SZT2: variants seen among roughly 807,000 people sequenced by gnomAD.
SZT2 encodes KICSTOR complex protein SZT2.
In SZT2, 216 loss-of-function variants were observed where a neutral mutation model predicts 404.2. The observed-to-expected ratio is 0.53, with a 90% CI of 0.48 to 0.60. SZT2 has a LOEUF of 0.60. SZT2 is among the 20% of genes least tolerant of loss of function. The pLI is 0.00. For missense variants in SZT2, 3,857 were observed against 4,459.2 expected (o/e 0.86, Z 3.85); for synonymous variants, 1,693 against 1,749.9 (o/e 0.97, Z 0.81).
rs772010145 is a variant in SZT2 at position 43,425,131 on chromosome 1, G to A, written c.2569G>A (p.Ala857Thr). The change falls in exon 18 of 72, where the codon GCT becomes ACT. Residue 857 changes from alanine to threonine, a missense_variant. Coordinates refer to ENST00000634258, the MANE Select transcript of SZT2 (RefSeq NM_001365999.1). This position sits in a 1 kb window ranked among gnomAD's most constrained non-coding sequence, Gnocchi z 4.3. The stretch of plus-strand genomic sequence containing the variant: ...CCCACAGAATGAACCACCAGGGCAG[G>A]CTGCAGCTGAAGAGAAGCACACCTG... Reference protein sequence around the residue: ...LPIQNEPPGQAAAEEKHTCVV... With the variant: ...LPIQNEPPGQTAAEEKHTCVV... The A allele has an allele frequency of 1.9e-5, 31 of 1,614,070 alleles. 1 individual carries two copies. In the South Asian group the frequency reaches 2.6e-4, roughly 14 times the overall value.
intron 14 of SZT2, 83 bp from the exon 15 acceptor site, chr1:43,423,016 T>C: frequency 6.6e-7 from 1 of 1,505,380 alleles, no homozygotes; most frequent in East Asian, 2.5e-5. Flanking sequence ...AGAAGAGGGC[T>C]GTGTCTCACT....
intron 62 of SZT2, among the ~76,000 whole-genome samples, chr1:43,444,691 T>G (rs1167996490): frequency 6.6e-6 from 1 of 152,166 alleles, no homozygotes; most frequent in Non-Finnish European, 1.5e-5. Context: ...AGCCACCTTT[T>G]CATCCACTGT....
chr1:43,453,590 C>G lies in SZT2; in HGVS notation c.*3110C>G. ...CCCTCCCAGCCCTCCCGGCCCGCGA[C>G]GCACCCGGGGGCGTGTTGATCAGTA... On this transcript the variant is annotated 3_prime_UTR_variant, in exon 72 of 72. Transcript: ENST00000634258. 1 of 1,521,592 alleles carries G rather than the reference C, an allele frequency of 6.6e-7. No individual in the cohort carries two copies. Among genetic ancestry groups the G allele is most frequent in the Non-Finnish European group, 8.8e-7 (1 of 1,134,016 alleles). 94.3% of individuals were successfully genotyped at this position (1,521,592 alleles called of 1,614,324 possible). A position where few individuals can be genotyped will look rare whatever the true frequency, so the allele number is the denominator to read the frequency against.
In SZT2 at chr1:43,451,989, G is replaced by T. The variant is rs1226016563; in HGVS notation, c.*1509G>T. The T allele has an allele frequency of 1.9e-6, 3 of 1,610,626 alleles. No individual in the cohort carries two copies. The highest frequency in any genetic ancestry group is 2.5e-6 in the Non-Finnish European group (3 of 1,177,686). ...GGGTCAGTGATGCGGGTGTTGATGGGCTCCAGCAGTCCCACGAGGTCCTCC... is the reference window on the plus strand; with the variant it reads ...GGGTCAGTGATGCGGGTGTTGATGGTCTCCAGCAGTCCCACGAGGTCCTCC... On this transcript the variant is annotated 3_prime_UTR_variant, in exon 72 of 72. Transcript: ENST00000634258.
rs778200495 is a variant in SZT2 at position 43,441,801 on chromosome 1, C to T, written c.7725C>T (p.Arg2575=). Residue 2575 remains arginine, a synonymous_variant, in exon 55 of 72, where the codon CGC becomes CGT. Coordinates refer to ENST00000634258, the MANE Select transcript of SZT2 (RefSeq NM_001365999.1). The surrounding 1 kb of genome is among the most constrained non-coding windows in gnomAD (Gnocchi z 4.8). ...CAATGGCTGGAGACACCAGTGTCCG[C>T]ATCTTTGAGCAGCATTTGTGAGTGT... The part of the protein sequence containing the change: ...VTSMAGDTSV[R]IFEQHLGSEP... The T allele has an allele frequency of 1.5e-5, 25 of 1,614,206 alleles. No individual in the cohort carries two copies. In the South Asian group the frequency reaches 2.7e-4, roughly 18 times the overall value.
rs556065361 is a variant in SZT2, at chr1:43,446,062, G to A, written c.8916+78G>A. ...CCTGAGGTCATTGACCCTGAGTGAT[G>A]TACCGAGGTCACTGATCCCAGACTG... On this transcript the variant is annotated intron_variant, in intron 63 of 71. Transcript: ENST00000634258. The A allele has an allele frequency of 3.2e-6, 5 of 1,580,468 alleles. No homozygotes were observed. In the African/African-American group the frequency reaches 6.7e-5, roughly 21 times the overall value.
At chr1:43,421,337 A>G in intron 11 of SZT2, 34 bp downstream of exon 11, 1 of 1,593,848 alleles carries the variant, frequency 6.3e-7, no homozygotes, top group Non-Finnish European at 8.5e-7. Flanking sequence ...GCCCCATTTC[A>G]TGTCAACTTG....
chr1:43,428,332 G>A lies in SZT2; in HGVS notation c.4012G>A (p.Asp1338Asn), dbSNP rs921605039. The A allele has an allele frequency of 5.6e-6, 9 of 1,614,052 alleles. No homozygotes were observed. Among genetic ancestry groups the A allele is most frequent in the Non-Finnish European group, 7.6e-6 (9 of 1,180,032 alleles). The change falls in exon 28 of 72, where the codon GAC becomes AAC. Residue 1338 changes from aspartate (D) to asparagine (N), a missense_variant. Physicochemically the swap from Asp to Asn is conservative, Grantham distance 23. Coordinates refer to ENST00000634258, the MANE Select transcript of SZT2 (RefSeq NM_001365999.1). The stretch of plus-strand genomic sequence containing the variant: ...CTGTGAGGAGCTACTACAAGAAATA[G>A]ACATCACCCCATTTCTCCTTGCATT... Reference protein sequence around the residue: ...DACEELLQEIDITPFLLALCG... With the variant: ...DACEELLQEINITPFLLALCG...
intron 4 of SZT2, 61 bp from the exon 5 acceptor site, chr1:43,415,021 A>G: frequency 6.4e-7 from 1 of 1,564,642 alleles, no homozygotes; most frequent in Non-Finnish European, 8.6e-7. Context: ...AACAGAGCAG[A>G]AGTGTAGTGG....
Position 43,448,988 on chromosome 1 carries a change from C to T in SZT2, c.10086+260C>T, listed in dbSNP as rs532137685. On this transcript the variant is annotated intron_variant, in intron 70 of 71. Transcript: ENST00000634258. The surrounding 1 kb of genome is among the most constrained non-coding windows in gnomAD (Gnocchi z 4.2). ...CCTGAGGGCCAGGCTCTGGAACTGA[C>T]AACCCAAGGAGCTGTCAGAACTTTG... is the stretch of plus-strand genomic sequence containing the variant. 8.6e-6 allele frequency: 4 copies of T among 467,366 alleles called. No homozygotes were observed. In the Admixed American group the frequency reaches 1.5e-4, roughly 17 times the overall value. 29.0% of individuals were successfully genotyped at this position (467,366 alleles called of 1,614,324 possible).
Position 43,450,340 on chromosome 1 carries a change from C to T in SZT2, c.10159C>T (p.Leu3387=), listed in dbSNP as rs1168556027. 2 of 1,614,106 alleles carry T rather than the reference C, an allele frequency of 1.2e-6. No individual in the cohort carries two copies. The highest frequency in any genetic ancestry group is 8.5e-7 in the Non-Finnish European group (1 of 1,179,986). ...ATCCCCACCGTGTTCCCCACAGTCT[C>T]TGACAGTGGTTTTCCGAGAGCCCTT... ...FLDSHLGKTS[L]TVVFREPFPV... The change falls in exon 72 of 72, where the codon CTG becomes TTG. Residue 3387 remains leucine (L), a synonymous_variant. Coordinates refer to ENST00000634258, the MANE Select transcript of SZT2 (RefSeq NM_001365999.1). The surrounding 1 kb of genome is among the most constrained non-coding windows in gnomAD (Gnocchi z 4.3).
intron 1 of SZT2, among the ~76,000 whole-genome samples, chr1:43,401,757 A>G (rs189244346): frequency 2.6e-5 from 4 of 152,254 alleles, no homozygotes; most frequent in Non-Finnish European, 5.9e-5. Context: ...AAGTGCTGGG[A>G]TTACAGGCAT....
chr1:43,390,214 C>T (rs969268662), intron 1 of SZT2, among the ~76,000 whole-genome samples: 2 of 152,238 alleles, frequency 1.3e-5, no homozygotes, highest in South Asian at 2.1e-4. Flanking sequence ...TAACTGTTCG[C>T]TTTGTTTTGT....
At position 43,441,914 on chromosome 1, in the gene SZT2, A is replaced by G. The variant is rs1655100564; in HGVS notation, c.7743-86A>G. On this transcript the variant is annotated intron_variant, in intron 55 of 71. Transcript: ENST00000634258. This position sits in a 1 kb window ranked among gnomAD's most constrained non-coding sequence, Gnocchi z 4.8. ...AAACCTGAGGAAGCTGAGCTAGGAGAGGTGGAAACAAGGCCCAGGGAGGTG... is the reference window on the plus strand; with the variant it reads ...AAACCTGAGGAAGCTGAGCTAGGAGGGGTGGAAACAAGGCCCAGGGAGGTG... The G allele has an allele frequency of 6.3e-7, 1 of 1,592,922 alleles. No individual in the cohort carries two copies. Among genetic ancestry groups the G allele is most frequent in the Admixed American group, 1.7e-5 (1 of 58,986 alleles).
intron 65 of SZT2, chr1:43,446,651 C>G (rs944442432): frequency 1.6e-6 from 1 of 634,302 alleles, no homozygotes; most frequent in Non-Finnish European, 2.7e-6. Context: ...TGAGGCAGCA[C>G]AGTGCCTGGT....
chr1:43,442,506 G>C lies in SZT2; in HGVS notation c.8039G>C (p.Arg2680Pro). 6.2e-7 allele frequency: 1 copy of C among 1,614,134 alleles called. No individual in the cohort carries two copies. Among genetic ancestry groups the C allele is most frequent in the Non-Finnish European group, 8.5e-7 (1 of 1,180,010 alleles). The stretch of plus-strand genomic sequence containing the variant: ...GCAGCATTGGGCCGAGCGCTGGTTC[G>C]CCTGGTGCAGTGGCAGAATGCACGA... The part of the protein sequence containing the change: ...LGAALGRALV[R>P]LVQWQNARAH... The change falls in exon 58 of 72, where the codon CGC becomes CCC. Residue 2680 changes from arginine (R) to proline (P), a missense_variant. Physicochemically the swap from Arg to Pro is moderately radical, Grantham distance 103. Coordinates refer to ENST00000634258, the MANE Select transcript of SZT2 (RefSeq NM_001365999.1). The surrounding 1 kb of genome is among the most constrained non-coding windows in gnomAD (Gnocchi z 4.5).
chr1:43,430,121 T>G lies in SZT2; in HGVS notation c.4401+18T>G. ...GGCGAGAAGTGAGTGGCTCTCTTCC[T>G]TACCTCTCTCGTGCCCTCAACCCAG... On this transcript the variant is annotated intron_variant, in intron 30 of 71. Coordinates refer to ENST00000634258, the MANE Select transcript of SZT2 (RefSeq NM_001365999.1). 6.2e-7 allele frequency: 1 copy of G among 1,613,310 alleles called. No individual in the cohort carries two copies. Among genetic ancestry groups the G allele is most frequent in the Non-Finnish European group, 8.5e-7 (1 of 1,179,310 alleles).
Position 43,437,100 on chromosome 1 carries a change from C to G in SZT2, c.6035-71C>G. Reference sequence around the variant, plus strand: ...AGGAGTGAGGACAAGTAGGCCAGTTCCCAGGTGAGAAGTCTGTGGAGGGCA... The same window carrying G: ...AGGAGTGAGGACAAGTAGGCCAGTTGCCAGGTGAGAAGTCTGTGGAGGGCA... On this transcript the variant is annotated intron_variant, in intron 42 of 71. Coordinates refer to ENST00000634258, the MANE Select transcript of SZT2 (RefSeq NM_001365999.1). This position sits in a 1 kb window ranked among gnomAD's most constrained non-coding sequence, Gnocchi z 5.3. The G allele has an allele frequency of 6.3e-7, 1 of 1,579,950 alleles. No homozygotes were observed. The highest frequency in any genetic ancestry group is 8.6e-7 in the Non-Finnish European group (1 of 1,160,342).
chr1:43,448,218 G>A lies in SZT2; in HGVS notation c.9703G>A (p.Ala3235Thr). 6.2e-7 allele frequency: 1 copy of A among 1,607,230 alleles called. No homozygotes were observed. Among genetic ancestry groups the A allele is most frequent in the Non-Finnish European group, 8.5e-7 (1 of 1,176,786 alleles). Residue 3235 changes from alanine (A) to threonine (T), a missense_variant, in exon 69 of 72, where the codon GCC becomes ACC. Ala to Thr is a moderately conservative substitution (Grantham distance 58). This residue lies in a region of SZT2 where 717 missense variants were observed against 868.2 expected (regional missense o/e 0.83). Transcript: ENST00000634258. This position sits in a 1 kb window ranked among gnomAD's most constrained non-coding sequence, Gnocchi z 4.2. ...GAGTTCAGCTGGCAGCCCTGGGGAG[G>A]CCTCAGGGCTTATTCTAGCGCCTGG... Reference protein sequence around the residue: ...PGSSAGSPGEASGLILAPGPA... With the variant: ...PGSSAGSPGETSGLILAPGPA...
Sources: allele counts gnomAD v4.1 joint callset (sites outside exome capture counted in the v4.1 genomes callset), GRCh38; gene constraint gnomAD v4.1.1; regional missense constraint gnomAD v4.1.1; non-coding constraint Gnocchi (gnomAD v3.1); transcripts MANE v1.5; gene names NCBI Gene and HGNC (gene_info 2026-07-23, HGNC 2026-07-21).